The following MAP4K4 variants were observed in gnomAD, a reference collection of about 807,000 sequenced individuals.
The protein encoded by MAP4K4 is mitogen-activated protein kinase kinase kinase kinase 4.
A neutral mutation model predicts 189.6 loss-of-function variants in MAP4K4; 38 were observed. The ratio of observed to expected loss-of-function variants is 0.20; its 90% confidence interval spans 0.15 to 0.26. The LOEUF is 0.26. MAP4K4 is among the 10% of genes least tolerant of loss of function. The probability of loss-of-function intolerance (pLI) is 1.00; values close to 1 mark genes in which losing one functional copy is unlikely to be tolerated. For missense variants in MAP4K4, 1,054 were observed against 1,726.9 expected (o/e 0.61, Z 6.91); for synonymous variants, 610 against 624.3 (o/e 0.98, Z 0.34).
intron 23 of MAP4K4, chr2:101,870,743 A>C (rs1464203117): frequency 4.5e-6 from 1 of 224,590 alleles, no homozygotes; most frequent in South Asian, 6.3e-5. Context: ...GTGAGGAAGC[A>C]GGTCTGGAGT....
chr2:101,717,603 G>C (rs1043344656), intron 2 of MAP4K4, among the ~76,000 whole-genome samples: 1 of 152,152 alleles, frequency 6.6e-6, no homozygotes, highest in African/African-American at 2.4e-5. Context: ...CCATTACCAG[G>C]TGACTTTTTA....
intron 32 of MAP4K4, 58 bp downstream of exon 32, chr2:101,888,993 T>A: frequency 4.3e-6 from 6 of 1,401,160 alleles, no homozygotes; most frequent in Non-Finnish European, 5.8e-6. Flanking sequence ...ATGGCTTGTT[T>A]TCCATGGAGT....
intron 2 of MAP4K4, among the ~76,000 whole-genome samples, chr2:101,746,311 G>GT (rs2065590122): frequency 6.9e-6 from 1 of 144,672 alleles, no homozygotes; most frequent in Non-Finnish European, 1.5e-5. Context: ...TTTTTTTAAT[G>GT]TAAGTATATA....
intron 2 of MAP4K4, among the ~76,000 whole-genome samples, chr2:101,765,914 T>C (rs1357202421): frequency 6.6e-6 from 1 of 152,230 alleles, no homozygotes; most frequent in African/African-American, 2.4e-5. Flanking sequence ...GGTGTTTCTT[T>C]GCCTTAGTGA....
chr2:101,819,349 A>G (rs1050642311), intron 3 of MAP4K4, among the ~76,000 whole-genome samples: 8 of 152,230 alleles, frequency 5.3e-5, no homozygotes, highest in Admixed American at 2.0e-4. Context: ...AAAATACTGT[A>G]TAATAAGCAT....
At position 101,887,753 on chromosome 2, in the gene MAP4K4, C is replaced by T. The variant is rs772952318; in HGVS notation, c.3772-25C>T. The T allele has an allele frequency of 3.2e-6, 5 of 1,586,658 alleles. No individual in the cohort carries two copies. In the East Asian group the frequency reaches 1.1e-4, roughly 36 times the overall value. On this transcript the variant is annotated intron_variant, in intron 30 of 32. Transcript: ENST00000324219. The stretch of plus-strand genomic sequence containing the variant: ...CTGGAAATAACCACAGACGTTCTTC[C>T]CTGTACTTTGTTCCTGTTCTCTAGA...
At chr2:101,836,603 CGAAA>C (rs1391498875) in intron 9 of MAP4K4, among the ~76,000 whole-genome samples, 1 of 151,538 alleles carries the variant, frequency 6.6e-6, no homozygotes, top group Non-Finnish European at 1.5e-5. Flanking sequence ...AAAAAAAGAA[CGAAA>C]GAAAGCTGTG....
intron 2 of MAP4K4, among the ~76,000 whole-genome samples, chr2:101,734,350 C>T (rs1468643112): frequency 1.3e-5 from 2 of 152,086 alleles, no homozygotes; most frequent in Admixed American, 6.6e-5. Context: ...ATATTTAAAA[C>T]AAAACTGAAA....
At chr2:101,889,463 C>CGGGT in intron 32 of MAP4K4, among the ~76,000 whole-genome samples, 1 of 152,274 alleles carries the variant, frequency 6.6e-6, no homozygotes, top group Non-Finnish European at 1.5e-5. Context: ...CATGACACCC[C>CGGGT]CTTTGCTTTT....
chr2:101,719,801 C>G (rs956918933), intron 2 of MAP4K4, among the ~76,000 whole-genome samples: 2 of 152,022 alleles, frequency 1.3e-5, no homozygotes, highest in African/African-American at 4.8e-5. Context: ...ATCACAAGGT[C>G]AGGAGTTCAA....
At chr2:101,807,743 C>A (rs1034916971) in intron 3 of MAP4K4, among the ~76,000 whole-genome samples, 2 of 151,176 alleles carry the variant, frequency 1.3e-5, no homozygotes, top group Admixed American at 1.3e-4. Context: ...ATGGTAGAAG[C>A]AGGAGCAAGA....
intron 3 of MAP4K4, among the ~76,000 whole-genome samples, chr2:101,817,057 G>C (rs1201817154): frequency 6.6e-6 from 1 of 151,730 alleles, no homozygotes; most frequent in Non-Finnish European, 1.5e-5. Flanking sequence ...AGAAAATTGG[G>C]CTATAATCTA....
In MAP4K4 at chr2:101,767,904, C is replaced by G. The variant is rs184671976; in HGVS notation, c.124-22816C>G. On this transcript the variant is annotated intron_variant, in intron 2 of 32. Transcript: ENST00000324219. ...CAGATCTGTTTCTCCCCTCACCCCC[C>G]CTTACTTTTCCACAAATGAAATGGC... Among the ~76,000 whole-genome samples the G allele has an allele frequency of 4.6e-5, 7 of 152,342 alleles. No individual in the cohort carries two copies. The East Asian group carries it at 5.8e-4, about 13-fold the overall frequency.
intron 2 of MAP4K4, among the ~76,000 whole-genome samples, chr2:101,737,196 G>T (rs1313248161): frequency 6.6e-6 from 1 of 151,928 alleles, no homozygotes; most frequent in East Asian, 1.9e-4. Flanking sequence ...ATGTACTTCT[G>T]TTGGTCAGAG....
chr2:101,892,941 A>G, exon 33 of MAP4K4: 1 of 456,380 alleles, frequency 2.2e-6, no homozygotes, highest in Non-Finnish European at 4.4e-6. Flanking sequence ...TAACTGCATT[A>G]TGGCTGCTTT....
At chr2:101,833,854 G>C (rs1165619187) in intron 7 of MAP4K4, among the ~76,000 whole-genome samples, 1 of 152,124 alleles carries the variant, frequency 6.6e-6, no homozygotes, top group Non-Finnish European at 1.5e-5. Flanking sequence ...TTGCAGGTAG[G>C]GTGGGGATGC....
chr2:101,865,172 C>A, intron 18 of MAP4K4, 136 bp downstream of exon 18: 1 of 573,232 alleles, frequency 1.7e-6, no homozygotes, highest in South Asian at 2.8e-5. Context: ...GGAAAAGCTG[C>A]CATAAAATCC....
intron 2 of MAP4K4, among the ~76,000 whole-genome samples, chr2:101,727,838 A>G (rs186390973): frequency 9.2e-5 from 14 of 152,298 alleles, no homozygotes; most frequent in African/African-American, 1.7e-4. Flanking sequence ...GCATGGTGGC[A>G]TGAGCTTATA....
chr2:101,784,945 T>TG (rs2089900132), intron 2 of MAP4K4, among the ~76,000 whole-genome samples: 2 of 152,218 alleles, frequency 1.3e-5, no homozygotes, highest in South Asian at 4.1e-4. Flanking sequence ...TTGCATTGTG[T>TG]GGGGAGTAAA....
Sources: allele counts gnomAD v4.1 joint callset (sites outside exome capture counted in the v4.1 genomes callset), GRCh38; gene constraint gnomAD v4.1.1; transcripts MANE v1.5; gene names NCBI Gene and HGNC (gene_info 2026-07-23, HGNC 2026-07-21).